ANO2: variants seen among roughly 807,000 people sequenced by gnomAD.
ANO2 encodes anoctamin 2.
ANO2 carries 101 observed loss-of-function variants against 124.2 expected under a neutral mutation model. The ratio of observed to expected loss-of-function variants is 0.81; its 90% CI spans 0.69 to 0.96. The LOEUF is 0.96. Among genes scored for constraint, ANO2 ranks in the 40% least tolerant of loss-of-function variants. The probability of loss-of-function intolerance (pLI) is 0.00; values close to 1 mark genes in which losing one functional copy is unlikely to be tolerated. For synonymous variants in ANO2, 486 were observed against 482.5 expected, an observed-to-expected ratio of 1.01 and a Z score of -0.09; for missense variants, 1,293 against 1,274.5, an observed-to-expected ratio of 1.01 and a Z score of -0.22.
intron 7 of ANO2, among the ~76,000 whole-genome samples, chr12:5,808,382 A>G (rs1338669469): frequency 6.6e-6 from 1 of 152,176 alleles, no homozygotes; most frequent in East Asian, 1.9e-4. Flanking sequence ...GGTTTTTTTC[A>G]GAGACTATAA....
At chr12:5,923,257 T>TGC (rs1165658397) in intron 1 of ANO2, among the ~76,000 whole-genome samples, 1 of 74,276 alleles carries the variant, frequency 1.3e-5, no homozygotes, top group East Asian at 7.3e-4. Flanking sequence ...TACACACACA[T>TGC]ACACACACAC....
chr12:5,708,621 G>A (rs1220715923), intron 14 of ANO2, among the ~76,000 whole-genome samples: 1 of 152,174 alleles, frequency 6.6e-6, no homozygotes, highest in Non-Finnish European at 1.5e-5. Flanking sequence ...AATGCCCTGT[G>A]ACCTTAGAGC....
At chr12:5,732,970 C>G in intron 13 of ANO2, 2 of 1,464,006 alleles carry the variant, frequency 1.4e-6, no homozygotes, top group Non-Finnish European at 1.9e-6. Context: ...AGCAGTTTCA[C>G]CAGAGGCAGA....
chr12:5,693,606 A>G (rs1322244195), intron 14 of ANO2, among the ~76,000 whole-genome samples: 1 of 152,070 alleles, frequency 6.6e-6, no homozygotes, highest in Non-Finnish European at 1.5e-5. Context: ...GTGACTTCCC[A>G]TCTCATTCGG....
chr12:5,795,889 C>T (rs975630268), intron 10 of ANO2, among the ~76,000 whole-genome samples: 7 of 152,124 alleles, frequency 4.6e-5, no homozygotes, highest in African/African-American at 1.7e-4. Flanking sequence ...CAGAGAAGTG[C>T]AGGCAGAAAT....
chr12:5,623,910 G>A (rs1945256260), intron 16 of ANO2, among the ~76,000 whole-genome samples: 1 of 152,178 alleles, frequency 6.6e-6, no homozygotes. Flanking sequence ...TGGGTACCTG[G>A]TGTCATGCTG....
intron 10 of ANO2, among the ~76,000 whole-genome samples, chr12:5,795,223 C>T (rs1039749720): frequency 6.6e-6 from 1 of 152,202 alleles, no homozygotes; most frequent in African/African-American, 2.4e-5. Context: ...GGGCACAGTG[C>T]CACCCAAGGG....
chr12:5,595,829 C>G (rs1429733944), intron 20 of ANO2, among the ~76,000 whole-genome samples: 1 of 152,098 alleles, frequency 6.6e-6, no homozygotes, highest in African/African-American at 2.4e-5. Flanking sequence ...AGGTCAACAA[C>G]GTGGAATGGA....
At chr12:5,743,345 T>C (rs1951165215) in intron 12 of ANO2, among the ~76,000 whole-genome samples, 1 of 152,168 alleles carries the variant, frequency 6.6e-6, no homozygotes, top group East Asian at 1.9e-4. Context: ...AAGGAGCAGG[T>C]GGCTACTCAG....
At chr12:5,628,790 CATGCACACTA>C (rs2136928732) in intron 16 of ANO2, among the ~76,000 whole-genome samples, 1 of 152,328 alleles carries the variant, frequency 6.6e-6, no homozygotes, top group African/African-American at 2.4e-5. Context: ...AATGCACACT[CATGCACACTA>C]CTAACTGTAT....
chr12:5,604,445 G>T (rs1944110042), intron 19 of ANO2, among the ~76,000 whole-genome samples: 1 of 152,164 alleles, frequency 6.6e-6, no homozygotes, highest in African/African-American at 2.4e-5. Context: ...AAGAGCGGCG[G>T]AAGCCCTAGG....
chr12:5,768,958 T>C (rs989155687), intron 10 of ANO2, among the ~76,000 whole-genome samples: 2 of 152,130 alleles, frequency 1.3e-5, no homozygotes, highest in Non-Finnish European at 2.9e-5. Context: ...ATTTTGCTGC[T>C]ATGGAGCTAG....
At chr12:5,849,210 C>T (rs1235503135) in intron 4 of ANO2, among the ~76,000 whole-genome samples, 1 of 152,200 alleles carries the variant, frequency 6.6e-6, no homozygotes, top group African/African-American at 2.4e-5. Flanking sequence ...ATTTTTCACC[C>T]ATCCCAGGCA....
At chr12:5,880,900 G>GGGATGGATGGATGGAT (rs367583083) in intron 3 of ANO2, among the ~76,000 whole-genome samples, 48,831 of 142,042 alleles carry the variant, frequency 0.34, 9,520 homozygotes, top group South Asian at 0.53. Context: ...GGGTAGGTGG[G>GGGATGGATGGATGGAT]GGATGGATGG....
chr12:5,655,565 C>T (rs988605932), intron 14 of ANO2, among the ~76,000 whole-genome samples: 1 of 152,172 alleles, frequency 6.6e-6, no homozygotes, highest in African/African-American at 2.4e-5. Flanking sequence ...CTGGGTGTGG[C>T]CACCCAGCCT....
intron 13 of ANO2, among the ~76,000 whole-genome samples, chr12:5,737,930 C>T (rs2137074411): frequency 6.6e-6 from 1 of 152,282 alleles, no homozygotes; most frequent in Middle Eastern, 3.4e-3. Flanking sequence ...CCACAGAGTT[C>T]ATGATAGTAT....
intron 1 of ANO2, among the ~76,000 whole-genome samples, chr12:5,930,936 C>T (rs1379822393): frequency 2.0e-5 from 3 of 152,194 alleles, no homozygotes; most frequent in South Asian, 4.1e-4. Flanking sequence ...CAGAATTAGC[C>T]CTCTCTCTCC....
intron 11 of ANO2, among the ~76,000 whole-genome samples, chr12:5,747,113 C>T (rs186884262): frequency 5.6e-4 from 85 of 152,298 alleles, no homozygotes; most frequent in African/African-American, 2.0e-3. Context: ...GACGAAACCA[C>T]GGGAGGAAGC....
At chr12:5,572,049 T>C (rs1271674298) in intron 23 of ANO2, among the ~76,000 whole-genome samples, 1 of 152,152 alleles carries the variant, frequency 6.6e-6, no homozygotes. Flanking sequence ...TGTAACCCAA[T>C]AGTCTTCACA....
Sources: gnomAD v4.1 joint callset for allele counts (sites outside exome capture counted in the v4.1 genomes callset) on GRCh38, gnomAD v4.1.1 for gene constraint, MANE v1.5 for transcripts, NCBI Gene and HGNC (gene_info 2026-07-23, HGNC 2026-07-21) for gene names.